The following SLC4A8 variants were observed in gnomAD, a reference collection of about 807,000 sequenced individuals.
SLC4A8 encodes electroneutral sodium bicarbonate exchanger 1.
In SLC4A8, 40 loss-of-function variants were observed where a neutral mutation model predicts 125.0. That is an observed-to-expected ratio of 0.32 (90% confidence interval 0.25 to 0.42). SLC4A8 has a LOEUF of 0.42. SLC4A8 is among the 10% of genes least tolerant of loss of function. SLC4A8 has a pLI of 1.00. For missense variants in SLC4A8, 863 were observed against 1,355.1 expected, an observed-to-expected ratio of 0.64 and a Z score of 5.70; for synonymous variants, 456 against 476.0, an observed-to-expected ratio of 0.96 and a Z score of 0.55.
chr12:51,452,066 C>T, intron 3 of SLC4A8, 58 bp from the exon 4 acceptor site: 3 of 1,552,632 alleles, frequency 1.9e-6, no homozygotes, highest in Non-Finnish European at 2.7e-6. Context: ...AGGAAGAATG[C>T]TATTTCTGTT....
chr12:51,495,439 C>G (rs1345859590), intron 21 of SLC4A8, among the ~76,000 whole-genome samples: 1 of 147,528 alleles, frequency 6.8e-6, no homozygotes, highest in Non-Finnish European at 1.5e-5. Flanking sequence ...CCTTTTGTGA[C>G]TGGCTAATTT....
Position 51,471,521 on chromosome 12 carries a change from T to A in SLC4A8, c.1893T>A (p.Leu631=), listed in dbSNP as rs759427992. 25 of 1,613,558 alleles carry A rather than the reference T, an allele frequency of 1.5e-5. No individual in the cohort carries two copies. The highest frequency in any genetic ancestry group is 2.1e-5 in the Non-Finnish European group (25 of 1,179,810). The change falls in exon 14 of 25, where the codon CTT becomes CTA. Residue 631 remains leucine, a synonymous_variant. Transcript: ENST00000453097. ...PIHMHSQLDH[L]SLYYCRCTLP... is the part of the protein sequence containing the mutation. ...ACATGCACAGCCAGCTGGACCACCT[T>A]AGCCTCTATTAGTAAGTGTGCTTTC...
At chr12:51,415,612 T>C (rs551006840) in intron 1 of SLC4A8, among the ~76,000 whole-genome samples, 2 of 152,102 alleles carry the variant, frequency 1.3e-5, no homozygotes, top group African/African-American at 2.4e-5. Context: ...CTTTCTTGTA[T>C]GTCCAGTAAA....
At chr12:51,428,866 A>C (rs1156538551) in intron 1 of SLC4A8, among the ~76,000 whole-genome samples, 1 of 152,226 alleles carries the variant, frequency 6.6e-6, no homozygotes, top group Non-Finnish European at 1.5e-5. Context: ...CCAAATGAGA[A>C]AACAAAGATA....
chr12:51,514,555 T>A lies in SLC4A8; in HGVS notation c.*7117T>A, dbSNP rs1331169113. 6.6e-6 allele frequency: 1 copy of A among 152,140 alleles called. No homozygotes were observed. Among genetic ancestry groups the A allele is most frequent in the Non-Finnish European group, 1.5e-5 (1 of 68,022 alleles). 9.4% of individuals were successfully genotyped at this position (152,140 alleles called of 1,614,324 possible). On this transcript the variant is annotated 3_prime_UTR_variant, in exon 25 of 25. Transcript: ENST00000453097. Reference sequence around the variant, plus strand: ...GGAGTTGGACAGTCCCGGGGCTTTTTTGAAAGGGGACTTTATGGTCATTTC... The same window carrying A: ...GGAGTTGGACAGTCCCGGGGCTTTTATGAAAGGGGACTTTATGGTCATTTC...
intron 23 of SLC4A8, 61 bp downstream of exon 23, chr12:51,504,181 G>C (rs1294592020): frequency 6.4e-6 from 6 of 935,864 alleles, no homozygotes; most frequent in Non-Finnish European, 1.0e-5. Flanking sequence ...TTCTGGCTTT[G>C]TGGTGGTGGT....
chr12:51,470,680 C>T (rs186569743), intron 13 of SLC4A8, among the ~76,000 whole-genome samples, 155 bp downstream of exon 13: 136 of 152,236 alleles, frequency 8.9e-4, no homozygotes, highest in African/African-American at 2.8e-3. Context: ...GTCCTGCCCC[C>T]GGGTAGCACC....
intron 5 of SLC4A8, among the ~76,000 whole-genome samples, 166 bp from the exon 6 acceptor site, chr12:51,457,185 T>A (rs1347545332): frequency 6.6e-6 from 1 of 152,206 alleles, no homozygotes; most frequent in Admixed American, 6.5e-5. Flanking sequence ...TCACAGTCAC[T>A]ATCATCAAAT....
rs186975692 is a variant in SLC4A8, at chr12:51,465,417, C to A, written c.1349+1703C>A. 2.3e-3 allele frequency among the ~76,000 whole-genome samples: 348 copies of A among 152,208 alleles called. 1 individual carries two copies. The highest frequency in any genetic ancestry group is 4.1e-3 in the Non-Finnish European group (280 of 68,006). On this transcript the variant is annotated intron_variant, in intron 11 of 24. Coordinates refer to ENST00000453097, the MANE Select transcript of SLC4A8 (RefSeq NM_001039960.3). ...GAGAGGTGGTCACTTATAATCAATT[C>A]CACCTGAGGGTTTGGGAGACCATTA...
intron 1 of SLC4A8, among the ~76,000 whole-genome samples, chr12:51,400,781 T>C (rs1274187879): frequency 2.6e-3 from 18 of 6,990 alleles, no homozygotes; most frequent in East Asian, 6.5e-3. Context: ...TATATATACA[T>C]ACATACACAC....
intron 2 of SLC4A8, chr12:51,440,993 T>C: frequency 9.7e-7 from 1 of 1,032,074 alleles, no homozygotes. Flanking sequence ...ATCATTAGGA[T>C]CTAATTGCCT....
chr12:51,408,834 G>A (rs1042751144), intron 1 of SLC4A8, among the ~76,000 whole-genome samples: 5 of 152,212 alleles, frequency 3.3e-5, no homozygotes, highest in Admixed American at 2.0e-4. Flanking sequence ...AGTGTGATGC[G>A]CACTCCAGAG....
At chr12:51,453,024 A>C (rs1204184073) in intron 4 of SLC4A8, among the ~76,000 whole-genome samples, 1 of 152,212 alleles carries the variant, frequency 6.6e-6, no homozygotes, top group Non-Finnish European at 1.5e-5. Flanking sequence ...TTGACCTGGT[A>C]CCAAGTGAAA....
chr12:51,504,184 G>A, intron 23 of SLC4A8, 64 bp downstream of exon 23: 1 of 957,924 alleles, frequency 1.0e-6, no homozygotes. Context: ...TGGCTTTGTG[G>A]TGGTGGTGGT....
At chr12:51,412,563 A>G (rs1433430496) in intron 1 of SLC4A8, among the ~76,000 whole-genome samples, 1 of 152,098 alleles carries the variant, frequency 6.6e-6, no homozygotes, top group Non-Finnish European at 1.5e-5. Flanking sequence ...CCATTAACCA[A>G]CCTCTGTTCA....
intron 1 of SLC4A8, among the ~76,000 whole-genome samples, chr12:51,415,716 T>C (rs753566656): frequency 5.3e-5 from 8 of 151,234 alleles, no homozygotes; most frequent in Non-Finnish European, 8.8e-5. Context: ...ATAAAGTGCC[T>C]ATCTTGGACA....
chr12:51,505,805 G>A lies in SLC4A8; in HGVS notation c.3174-30G>A. The A allele has an allele frequency of 4.1e-6, 4 of 976,040 alleles. No homozygotes were observed. In the South Asian group the frequency reaches 5.5e-5, roughly 13 times the overall value. The allele number at this position is 976,040 out of a possible 1,614,324, so 60.5% of individuals were successfully genotyped here. ...TGGTATGTATTTTACTTGTATGTCTGACATTCACTGTCCTAATGATTGATT... is the reference window on the plus strand; with the variant it reads ...TGGTATGTATTTTACTTGTATGTCTAACATTCACTGTCCTAATGATTGATT... On this transcript the variant is annotated intron_variant, in intron 23 of 24. Transcript: ENST00000453097.
At chr12:51,451,998 G>T (rs1189399287) in intron 3 of SLC4A8, 126 bp from the exon 4 acceptor site, 26 of 851,712 alleles carry the variant, frequency 3.1e-5, no homozygotes, top group Middle Eastern at 2.4e-4. Context: ...TGAGAATAAA[G>T]AAATCTTTTT....
rs1345501232 is a variant in SLC4A8, at chr12:51,397,086, C to T, written c.-112+5598C>T. Among the ~76,000 whole-genome samples the T allele has an allele frequency of 2.6e-3, 398 of 152,054 alleles. 1 individual carries two copies. The highest frequency in any genetic ancestry group is 9.2e-3 in the African/African-American group (381 of 41,474). On this transcript the variant is annotated intron_variant, in intron 1 of 24. Coordinates refer to the SLC4A8 transcript ENST00000358657. ...CTGGGATTACAGGTGTGTGCCACCA[C>T]ACCCGGCTAATTTTTGTATTTTTAG...
Sources: gnomAD v4.1 joint callset for allele counts (sites outside exome capture counted in the v4.1 genomes callset) on GRCh38, gnomAD v4.1.1 for gene constraint, MANE v1.5 for transcripts, NCBI Gene and HGNC (gene_info 2026-07-23, HGNC 2026-07-21) for gene names.